CDA: variants seen among roughly 807,000 people sequenced by gnomAD.
The protein encoded by CDA is cytidine aminohydrolase.
CDA carries 7 observed loss-of-function variants against 15.0 expected under a neutral mutation model. That is an observed-to-expected ratio of 0.47 (90% confidence interval 0.26 to 0.87). The LOEUF (loss-of-function observed/expected upper bound fraction) is 0.87, where lower values mean the gene tolerates loss of function less well. Among genes scored for constraint, CDA ranks in the 40% least tolerant of loss-of-function variants. The probability of loss-of-function intolerance (pLI) is 0.15; values close to 1 mark genes in which losing one functional copy is unlikely to be tolerated. For missense variants in CDA, 159 were observed against 182.7 expected (o/e 0.87, Z 0.75); for synonymous variants, 58 against 73.0 (o/e 0.79, Z 1.05).
chr1:20,589,390 C>T, intron 1 of CDA, 107 bp downstream of exon 1: 2 of 1,102,432 alleles, frequency 1.8e-6, no homozygotes, highest in East Asian at 5.1e-5. Context: ...AAGAGCGCGG[C>T]TCTGTCCCTT....
chr1:20,597,089 G>A (rs761198061), intron 1 of CDA, among the ~76,000 whole-genome samples: 1 of 151,964 alleles, frequency 6.6e-6, no homozygotes. Context: ...ACATCTGACC[G>A]CAGCCCTGCC....
chr1:20,601,511 A>G (rs887767350), intron 1 of CDA, among the ~76,000 whole-genome samples: 1 of 152,172 alleles, frequency 6.6e-6, no homozygotes, highest in African/African-American at 2.4e-5. Flanking sequence ...TCTTCCCCAA[A>G]GTAGAATTCC....
intron 3 of CDA, among the ~76,000 whole-genome samples, chr1:20,617,151 C>G (rs189388960): frequency 1.3e-5 from 2 of 152,274 alleles, no homozygotes; most frequent in East Asian, 3.9e-4. Flanking sequence ...TCCCTAAAAC[C>G]ATTCCATGGA....
intron 1 of CDA, among the ~76,000 whole-genome samples, chr1:20,595,201 A>G (rs1372051388): frequency 6.6e-6 from 1 of 152,062 alleles, no homozygotes; most frequent in Non-Finnish European, 1.5e-5. Context: ...TTAGGGAAAA[A>G]GCCACTTTAC....
At chr1:20,602,159 G>T (rs1183528214) in intron 1 of CDA, among the ~76,000 whole-genome samples, 8 of 148,586 alleles carry the variant, frequency 5.4e-5, no homozygotes, top group Admixed American at 1.3e-4. Flanking sequence ...AGGAGGGGAG[G>T]GGAGGGGAGG....
intron 2 of CDA, among the ~76,000 whole-genome samples, chr1:20,610,371 G>A (rs900471272): frequency 2.7e-5 from 4 of 149,546 alleles, no homozygotes; most frequent in South Asian, 2.1e-4. Flanking sequence ...GCATGATCTC[G>A]GCTCACTGCA....
chr1:20,617,459 C>A (rs1570388881), intron 3 of CDA, among the ~76,000 whole-genome samples: 1 of 152,078 alleles, frequency 6.6e-6, no homozygotes, highest in East Asian at 1.9e-4. Flanking sequence ...TGGGAGGGAC[C>A]TGGTGGGAGG....
intron 2 of CDA, among the ~76,000 whole-genome samples, chr1:20,607,045 A>G (rs2052700513): frequency 6.6e-6 from 1 of 152,220 alleles, no homozygotes; most frequent in African/African-American, 2.4e-5. Flanking sequence ...CATAGGTCAC[A>G]TTCTGTGAGG....
chr1:20,608,393 A>AGTTTTGATTTGTTTT (rs1553143241), intron 2 of CDA, among the ~76,000 whole-genome samples: 20 of 104,996 alleles, frequency 1.9e-4, no homozygotes, highest in African/African-American at 5.1e-4. Context: ...ACTATTATAT[A>AGTTTTGATTTGTTTT]GTTTTGTTTT....
intron 2 of CDA, among the ~76,000 whole-genome samples, chr1:20,610,996 T>C (rs1345526590): frequency 6.6e-6 from 1 of 152,274 alleles, no homozygotes; most frequent in East Asian, 1.9e-4. Context: ...TCCCAGTACT[T>C]TGGGAGGCTG....
intron 1 of CDA, among the ~76,000 whole-genome samples, chr1:20,602,017 A>G (rs909395355): frequency 1.3e-5 from 2 of 151,912 alleles, no homozygotes; most frequent in Admixed American, 1.3e-4. Context: ...ACTACTTGGT[A>G]GGTTAGGATG....
At chr1:20,597,975 G>A (rs774658604) in intron 1 of CDA, among the ~76,000 whole-genome samples, 10 of 150,096 alleles carry the variant, frequency 6.7e-5, no homozygotes, top group South Asian at 4.2e-4. Flanking sequence ...ATTCCTCTGC[G>A]TCTTAAGCAT....
chr1:20,598,371 C>A (rs920153826), intron 1 of CDA, among the ~76,000 whole-genome samples: 1 of 152,210 alleles, frequency 6.6e-6, no homozygotes, highest in Non-Finnish European at 1.5e-5. Context: ...AGACTGGGTC[C>A]TCACTAGACA....
At chr1:20,590,571 G>A (rs1170377083) in intron 1 of CDA, among the ~76,000 whole-genome samples, 2 of 152,130 alleles carry the variant, frequency 1.3e-5, no homozygotes, top group Non-Finnish European at 2.9e-5. Context: ...GCACAGAAAG[G>A]GCCCTCCTAC....
At chr1:20,615,325 T>A (rs1414396196) in intron 3 of CDA, among the ~76,000 whole-genome samples, 1 of 151,630 alleles carries the variant, frequency 6.6e-6, no homozygotes, top group Non-Finnish European at 1.5e-5. Context: ...AGGCTGCAAT[T>A]TCTTCAACTC....
At chr1:20,590,640 G>A (rs1257139335) in intron 1 of CDA, among the ~76,000 whole-genome samples, 2 of 152,152 alleles carry the variant, frequency 1.3e-5, no homozygotes, top group African/African-American at 4.8e-5. Context: ...TGTCATCACT[G>A]TCCACTTATG....
chr1:20,591,135 C>T (rs1476281211), intron 1 of CDA, among the ~76,000 whole-genome samples: 1 of 152,066 alleles, frequency 6.6e-6, no homozygotes, highest in African/African-American at 2.4e-5. Flanking sequence ...GTCAGGAGAT[C>T]GAGACCATCC....
At chr1:20,612,676 G>T (rs2052763172) in intron 2 of CDA, among the ~76,000 whole-genome samples, 1 of 152,124 alleles carries the variant, frequency 6.6e-6, no homozygotes, top group Admixed American at 6.5e-5. Context: ...AAGCCTGTTG[G>T]TGGGGCGGGG....
At chr1:20,598,080 G>A (rs754589923) in intron 1 of CDA, among the ~76,000 whole-genome samples, 5 of 152,050 alleles carry the variant, frequency 3.3e-5, no homozygotes, top group Non-Finnish European at 7.4e-5. Context: ...CCTCCAAAAT[G>A]CATAAGCGTA....
Sources: gnomAD v4.1 joint callset for allele counts (sites outside exome capture counted in the v4.1 genomes callset) on GRCh38, gnomAD v4.1.1 for gene constraint, MANE v1.5 for transcripts, NCBI Gene and HGNC (gene_info 2026-07-23, HGNC 2026-07-21) for gene names.